Variants in KCNQ2 observed in about 807,000 individuals in gnomAD.
KCNQ2 encodes potassium voltage-gated channel subfamily KQT member 2.
A neutral mutation model predicts 84.8 loss-of-function variants in KCNQ2; 14 were observed. The observed-to-expected ratio is 0.17, with a 90% CI of 0.11 to 0.26. KCNQ2 has a LOEUF of 0.26. Ranked by LOEUF, KCNQ2 falls within the 10% of genes least tolerant of loss-of-function variation. KCNQ2 has a pLI of 1.00. For synonymous variants in KCNQ2, 599 were observed against 554.1 expected, an observed-to-expected ratio of 1.08 and a Z score of -1.14; for missense variants, 788 against 1,254.0, an observed-to-expected ratio of 0.63 and a Z score of 5.61.
chr20:63,463,055 CTGTG>C (rs10532345), intron 1 of KCNQ2, among the ~76,000 whole-genome samples: 7,256 of 147,932 alleles, frequency 0.049, 220 homozygotes, highest in African/African-American at 0.099. Flanking sequence ...GGTGTCTTTT[CTGTG>C]TGTGTGTGTG....
At chr20:63,443,361 TCACCATCATCAC>T (rs1568937400) in intron 4 of KCNQ2, among the ~76,000 whole-genome samples, 9 of 28,256 alleles carry the variant, frequency 3.2e-4, no homozygotes, top group Non-Finnish European at 5.1e-4. Flanking sequence ...ACCACCACCA[TCACCATCATCAC>T]CACCATCATC....
In KCNQ2 at chr20:63,461,873, G is replaced by C. The variant is rs560549482; in HGVS notation, c.296+10295C>G. Among the ~76,000 whole-genome samples, 434 of 136,384 alleles carry C rather than the reference G, an allele frequency of 3.2e-3. 2 individuals carry two copies. Among genetic ancestry groups the C allele is most frequent in the African/African-American group, 0.012 (408 of 35,220 alleles). 89.5% of individuals were successfully genotyped at this position (136,384 alleles called of 152,430 possible). A position where few individuals can be genotyped will look rare whatever the true frequency, so the allele number is the denominator to read the frequency against. On this transcript the variant is annotated intron_variant, in intron 1 of 16. Transcript: ENST00000359125. Reference sequence around the variant, plus strand: ...GGGAGGAGGCAGCACCTACCCCGGGGCAGCAGGGAGGAGGCTGCACCTACC... The same window carrying C: ...GGGAGGAGGCAGCACCTACCCCGGGCCAGCAGGGAGGAGGCTGCACCTACC...
chr20:63,461,683 C>T (rs967631417), intron 1 of KCNQ2, among the ~76,000 whole-genome samples: 10 of 150,380 alleles, frequency 6.6e-5, no homozygotes, highest in Non-Finnish European at 1.5e-4. Flanking sequence ...CTGCACCTAC[C>T]CCGGGCAGCA....
At chr20:63,415,215 C>T (rs1601575005) in intron 12 of KCNQ2, 89 bp from the exon 13 acceptor site, 18 of 1,221,264 alleles carry the variant, frequency 1.5e-5, no homozygotes, top group East Asian at 1.0e-4. Context: ...TCATGGCCGA[C>T]GCCGCCCATG....
intron 9 of KCNQ2, among the ~76,000 whole-genome samples, chr20:63,429,705 G>A (rs1398641494): frequency 6.6e-6 from 1 of 152,132 alleles, no homozygotes; most frequent in Non-Finnish European, 1.5e-5. Context: ...GTCCCTCAGG[G>A]CTTGGTGATC....
intron 7 of KCNQ2, among the ~76,000 whole-genome samples, chr20:63,436,345 C>A (rs1052948857): frequency 6.6e-6 from 1 of 152,174 alleles, no homozygotes; most frequent in Non-Finnish European, 1.5e-5. Context: ...TCCTGGCTAA[C>A]ACGGTGAAAC....
intron 6 of KCNQ2, 130 bp downstream of exon 6, chr20:63,439,468 C>A: frequency 1.4e-6 from 1 of 730,402 alleles, no homozygotes; most frequent in Non-Finnish European, 2.5e-6. Context: ...CTCCTGGGGG[C>A]TGTGGACCTG....
intron 1 of KCNQ2, among the ~76,000 whole-genome samples, chr20:63,463,191 G>A (rs549954440): frequency 2.4e-4 from 36 of 152,220 alleles, no homozygotes; most frequent in African/African-American, 8.7e-4. Flanking sequence ...AGGCCCAGGA[G>A]TTCTGGGCTG....
intron 5 of KCNQ2, among the ~76,000 whole-genome samples, chr20:63,441,279 T>C (rs1022790701): frequency 6.9e-6 from 1 of 145,452 alleles, no homozygotes; most frequent in African/African-American, 2.6e-5. Context: ...CTCATCCCAG[T>C]AGGAGGTACA....
chr20:63,442,938 C>CAT (rs2081253422), intron 4 of KCNQ2, among the ~76,000 whole-genome samples: 2 of 21,214 alleles, frequency 9.4e-5, no homozygotes, highest in African/African-American at 1.8e-4. Flanking sequence ...ACCATCACCA[C>CAT]CACCATCACC....
chr20:63,447,476 TTCCC>T, intron 1 of KCNQ2: 1 of 153,710 alleles, frequency 6.5e-6, no homozygotes, highest in Admixed American at 6.4e-5. Context: ...ATGATTGCTC[TTCCC>T]ATTCACGTCC....
chr20:63,412,857 C>T (rs1490319023), intron 15 of KCNQ2, among the ~76,000 whole-genome samples: 3 of 152,214 alleles, frequency 2.0e-5, no homozygotes, highest in Non-Finnish European at 2.9e-5. Context: ...AACACCCACT[C>T]GTGTGTATAT....
rs1220973434 is a variant in KCNQ2, at chr20:63,424,360, C to CCT, written c.1218-155_1218-154insAG. The stretch of plus-strand genomic sequence containing the variant: ...GGCAGGGGTGGAGCTGGCCCACCCA[C>CCT]CCCAGAGAGCCCACGGCCCCAGGAA... On this transcript the variant is annotated intron_variant, in intron 10 of 16. Coordinates refer to ENST00000359125, the MANE Select transcript of KCNQ2 (RefSeq NM_172107.4). 4 of 830,264 alleles carry CCT rather than the reference C, an allele frequency of 4.8e-6. No individual in the cohort carries two copies. In the African/African-American group the frequency reaches 6.8e-5, roughly 14 times the overall value. The allele number at this position is 830,264 out of a possible 1,614,324, so 51.4% of individuals were successfully genotyped here.
At chr20:63,442,746 CCACCAT>C (rs2081221926) in intron 4 of KCNQ2, among the ~76,000 whole-genome samples, 10 of 86,498 alleles carry the variant, frequency 1.2e-4, no homozygotes, top group Admixed American at 2.3e-4. Flanking sequence ...TCCACCATCA[CCACCAT>C]CACCATCACC....
chr20:63,432,656 A>C (rs1417609187), intron 8 of KCNQ2, among the ~76,000 whole-genome samples: 242 of 83,604 alleles, frequency 2.9e-3, no homozygotes, highest in Middle Eastern at 0.013. Flanking sequence ...TCAGGGAAGG[A>C]TCCACCCACA....
chr20:63,452,268 G>A (rs574095121), intron 1 of KCNQ2, among the ~76,000 whole-genome samples: 51 of 152,354 alleles, frequency 3.3e-4, no homozygotes, highest in African/African-American at 1.1e-3. Context: ...CCCCGAGGAC[G>A]TCCCAGCTCC....
At chr20:63,423,849 C>T in intron 11 of KCNQ2, 2 of 461,622 alleles carry the variant, frequency 4.3e-6, no homozygotes, top group South Asian at 5.2e-5. Flanking sequence ...GGAGGGAGCG[C>T]ACTAACAGAG....
Position 63,407,405 on chromosome 20 carries a change from G to A in KCNQ2, c.1888-30C>T, listed in dbSNP as rs149317924. On this transcript the variant is annotated intron_variant, in intron 16 of 16. Transcript: ENST00000359125. This position sits in a 1 kb window ranked among gnomAD's most constrained non-coding sequence, Gnocchi z 7.2. Reference sequence around the variant, plus strand: ...AAAAGGGGCTGCTGGGCTGGGGTGCGAGGGCCCGTCCCAGGAGATGTGGGG... The same window carrying A: ...AAAAGGGGCTGCTGGGCTGGGGTGCAAGGGCCCGTCCCAGGAGATGTGGGG... 148 of 1,596,180 alleles carry A rather than the reference G, an allele frequency of 9.3e-5. No individual in the cohort carries two copies. The East Asian group carries it at 2.9e-3, about 31-fold the overall frequency.
intron 1 of KCNQ2, among the ~76,000 whole-genome samples, chr20:63,448,744 G>C (rs978635535): frequency 6.6e-6 from 1 of 152,200 alleles, no homozygotes; most frequent in Non-Finnish European, 1.5e-5. Context: ...CTGGGCACAG[G>C]CACGGGCATC....
Sources: allele counts gnomAD v4.1 joint callset (sites outside exome capture counted in the v4.1 genomes callset), GRCh38; gene constraint gnomAD v4.1.1; non-coding constraint Gnocchi (gnomAD v3.1); transcripts MANE v1.5; gene names NCBI Gene and HGNC (gene_info 2026-07-23, HGNC 2026-07-21).